The following PJA2 variants were observed in gnomAD, a reference collection of about 807,000 sequenced individuals.
PJA2 encodes praja ring finger ubiquitin ligase 2.
In PJA2, 25 loss-of-function variants were observed where a neutral mutation model predicts 69.3. The ratio of observed to expected loss-of-function variants is 0.36; its 90% CI spans 0.26 to 0.50. The LOEUF (loss-of-function observed/expected upper bound fraction) is 0.50. Ranked by LOEUF, PJA2 falls within the 20% of genes least tolerant of loss-of-function variation. PJA2 has a pLI of 0.96. For synonymous variants in PJA2, 308 were observed against 277.8 expected (o/e 1.11, Z -1.08); for missense variants, 809 against 830.2 (o/e 0.97, Z 0.31).
At chr5:109,382,599 G>A (rs1044779549) in intron 2 of PJA2, among the ~76,000 whole-genome samples, 1 of 152,146 alleles carries the variant, frequency 6.6e-6, no homozygotes, top group African/African-American at 2.4e-5. Context: ...TGTAATCCCG[G>A]TACTTTGGGA....
chr5:109,404,903 C>T (rs1438469848), intron 1 of PJA2, among the ~76,000 whole-genome samples: 5 of 152,210 alleles, frequency 3.3e-5, no homozygotes, highest in African/African-American at 4.8e-5. Flanking sequence ...AGGATATCTG[C>T]TTTCACCACT....
intron 1 of PJA2, 42 bp downstream of exon 1, chr5:109,409,800 G>A: frequency 6.5e-6 from 1 of 154,174 alleles, no homozygotes. Flanking sequence ...ACTCCCGACA[G>A]CGGAACAAGC....
intron 9 of PJA2, 54 bp from the exon 10 acceptor site, chr5:109,337,410 A>C: frequency 6.6e-7 from 1 of 1,516,014 alleles, no homozygotes; most frequent in Non-Finnish European, 8.8e-7. Flanking sequence ...CTGCCACACA[A>C]GTAACTTAAT....
At chr5:109,343,779 G>A (rs961883723) in intron 9 of PJA2, among the ~76,000 whole-genome samples, 3 of 152,070 alleles carry the variant, frequency 2.0e-5, no homozygotes, top group Non-Finnish European at 2.9e-5. Flanking sequence ...ACAAATTTGC[G>A]GCTAAATAAA....
intron 5 of PJA2, among the ~76,000 whole-genome samples, chr5:109,365,123 C>T (rs539396894): frequency 1.3e-4 from 20 of 152,280 alleles, no homozygotes; most frequent in Non-Finnish European, 2.2e-4. Context: ...CCTAGTGGTT[C>T]GGCTTCCAGT....
intron 5 of PJA2, 115 bp from the exon 6 acceptor site, chr5:109,363,137 T>A: frequency 1.2e-6 from 1 of 844,746 alleles, no homozygotes; most frequent in Non-Finnish European, 1.7e-6. Context: ...TCTTGGTACT[T>A]TTATAATTCT....
chr5:109,380,974 G>A (rs547660093), intron 3 of PJA2, among the ~76,000 whole-genome samples: 44 of 151,950 alleles, frequency 2.9e-4, no homozygotes, highest in Middle Eastern at 3.4e-3. Context: ...AATTAGCTGG[G>A]TGCAGTGACA....
chr5:109,388,684 T>A (rs906207626), intron 1 of PJA2, among the ~76,000 whole-genome samples: 1 of 152,190 alleles, frequency 6.6e-6, no homozygotes, highest in African/African-American at 2.4e-5. Flanking sequence ...AAAAAAAGGT[T>A]GAGAATCAAA....
intron 4 of PJA2, among the ~76,000 whole-genome samples, chr5:109,375,988 C>T (rs1445680223): frequency 1.3e-5 from 2 of 152,036 alleles, no homozygotes; most frequent in South Asian, 2.1e-4. Flanking sequence ...ACTTTGAGAT[C>T]GTAAAACATA....
At chr5:109,345,022 C>A (rs1353686103) in intron 7 of PJA2, among the ~76,000 whole-genome samples, 4 of 151,872 alleles carry the variant, frequency 2.6e-5, no homozygotes, top group African/African-American at 7.3e-5. Context: ...CACGCAGAGC[C>A]CAACTTTCTA....
chr5:109,375,697 T>C (rs1388337857), intron 4 of PJA2, among the ~76,000 whole-genome samples: 1 of 152,104 alleles, frequency 6.6e-6, no homozygotes, highest in South Asian at 2.1e-4. Context: ...ATACTTTCCA[T>C]CCAAAACCTG....
Position 109,344,837 on chromosome 5 carries a change from C to T in PJA2, c.1765-18G>A. ...AGAGCAGTCTGAAAAACAAAAGGTA[C>T]AGTTCTTTGTTAGAAATACTTTAAA... On this transcript the variant is annotated intron_variant, in intron 7 of 9. Transcript: ENST00000361189. 1.3e-6 allele frequency: 2 copies of T among 1,515,540 alleles called. No individual in the cohort carries two copies. The highest frequency in any genetic ancestry group is 1.8e-6 in the Non-Finnish European group (2 of 1,098,628). 93.9% of individuals were successfully genotyped at this position (1,515,540 alleles called of 1,614,324 possible).
chr5:109,401,048 T>C (rs867801916), intron 1 of PJA2, among the ~76,000 whole-genome samples: 1 of 151,970 alleles, frequency 6.6e-6, no homozygotes, highest in African/African-American at 2.4e-5. Context: ...TCCCAGCACT[T>C]TGGGAGGCCA....
intron 7 of PJA2, among the ~76,000 whole-genome samples, chr5:109,349,855 T>C (rs1055342522): frequency 6.6e-6 from 1 of 152,210 alleles, no homozygotes; most frequent in African/African-American, 2.4e-5. Flanking sequence ...GAATTCCTTA[T>C]ATTGAACTTT....
At chr5:109,401,192 G>A (rs924692927) in intron 1 of PJA2, among the ~76,000 whole-genome samples, 3 of 152,030 alleles carry the variant, frequency 2.0e-5, no homozygotes, top group Non-Finnish European at 2.9e-5. Flanking sequence ...ACTGAGGCAT[G>A]AGAATCACTT....
rs1261074775 is a variant in PJA2, at chr5:109,364,414, G to A, written c.1470-1392C>T. Among the ~76,000 whole-genome samples, 5 of 151,082 alleles carry A rather than the reference G, an allele frequency of 3.3e-5. 1 individual carries two copies. Among genetic ancestry groups the A allele is most frequent in the African/African-American group, 1.2e-4 (5 of 41,384 alleles). On this transcript the variant is annotated intron_variant, in intron 5 of 9. Coordinates refer to ENST00000361189, the MANE Select transcript of PJA2 (RefSeq NM_014819.5). ...CGAGGCGGGCGGATCACGAGGTCAG[G>A]AGATCGAGACCATCCCGGCTAAAAC...
intron 5 of PJA2, among the ~76,000 whole-genome samples, chr5:109,366,741 A>G (rs1486052523): frequency 1.3e-5 from 2 of 152,220 alleles, no homozygotes; most frequent in African/African-American, 2.4e-5. Context: ...GTAAATGCTC[A>G]ATAAATATTT....
intron 1 of PJA2, among the ~76,000 whole-genome samples, chr5:109,402,761 AAAC>A (rs1329255332): frequency 1.3e-5 from 2 of 152,168 alleles, no homozygotes; most frequent in African/African-American, 4.8e-5. Context: ...TCTGGTCATA[AAAC>A]AAATATCAAA....
intron 5 of PJA2, among the ~76,000 whole-genome samples, 182 bp downstream of exon 5, chr5:109,368,379 T>C (rs1214260637): frequency 6.6e-6 from 1 of 152,166 alleles, no homozygotes; most frequent in East Asian, 1.9e-4. Context: ...ATACTGAAAT[T>C]ATCAGTATTT....
Sources: gnomAD v4.1 joint callset for allele counts (sites outside exome capture counted in the v4.1 genomes callset) on GRCh38, gnomAD v4.1.1 for gene constraint, MANE v1.5 for transcripts, NCBI Gene and HGNC (gene_info 2026-07-23, HGNC 2026-07-21) for gene names.